Variants in SETBP1 observed in about 807,000 individuals in gnomAD.
The protein encoded by SETBP1 is SET-binding protein.
Under a neutral mutation model 101.0 loss-of-function variants are expected in SETBP1, and 9 were observed. The observed-to-expected ratio is 0.09, with a 90% confidence interval of 0.05 to 0.16. The LOEUF (loss-of-function observed/expected upper bound fraction) is 0.16, where lower values mean the gene tolerates loss of function less well. SETBP1 is among the 10% of genes least tolerant of loss of function. The pLI is 1.00. For synonymous variants in SETBP1, 818 were observed against 788.5 expected (o/e 1.04, Z -0.63); for missense variants, 1,858 against 2,033.8 (o/e 0.91, Z 1.66).
At chr18:44,987,041 A>G (rs2072256726) in intron 4 of SETBP1, 1 of 152,212 alleles carries the variant, frequency 6.6e-6, no homozygotes, top group African/African-American at 2.4e-5. Context: ...TAACTTACAC[A>G]TGACTAGCAG....
At chr18:44,680,127 C>T (rs1315206150), upstream of SETBP1, 1 of 143,302 alleles carries the variant, frequency 7.0e-6, no homozygotes, top group Non-Finnish European at 1.5e-5. Context: ...CTTGATATCT[C>T]TCTCCATAAA....
intron 2 of SETBP1, among the ~76,000 whole-genome samples, chr18:44,853,236 G>A (rs1003655267): frequency 5.3e-5 from 8 of 152,154 alleles, no homozygotes; most frequent in South Asian, 4.1e-4. Flanking sequence ...AAGCCCCTCC[G>A]CATTGCCCAC....
intron 3 of SETBP1, among the ~76,000 whole-genome samples, chr18:44,937,766 T>C (rs2070996386): frequency 6.6e-6 from 1 of 152,108 alleles, no homozygotes; most frequent in South Asian, 2.1e-4. Flanking sequence ...TCAATCTGCG[T>C]TTCGGCAGAT....
chr18:44,740,857 T>G (rs2070080226), intron 2 of SETBP1, among the ~76,000 whole-genome samples: 1 of 152,244 alleles, frequency 6.6e-6, no homozygotes, highest in Non-Finnish European at 1.5e-5. Context: ...ATGATCTACA[T>G]TCACAAAATT....
chr18:44,722,715 T>C (rs1294955920), intron 2 of SETBP1, among the ~76,000 whole-genome samples: 1 of 152,208 alleles, frequency 6.6e-6, no homozygotes, highest in Non-Finnish European at 1.5e-5. Context: ...TATTGGGTTC[T>C]GATGGTCACT....
At chr18:45,036,995 G>T (rs1467208541) in intron 4 of SETBP1, among the ~76,000 whole-genome samples, 1 of 152,198 alleles carries the variant, frequency 6.6e-6, no homozygotes, top group Admixed American at 6.5e-5. Context: ...CTGTAAAATT[G>T]AGAAAATGGT....
intron 4 of SETBP1, among the ~76,000 whole-genome samples, chr18:44,969,861 CCTTAAA>C: frequency 6.6e-6 from 1 of 152,280 alleles, no homozygotes; most frequent in East Asian, 1.9e-4. Context: ...ACAACACTCC[CCTTAAA>C]CTTTGTTGCA....
At chr18:44,741,572 C>G (rs1322957883) in intron 2 of SETBP1, among the ~76,000 whole-genome samples, 1 of 152,014 alleles carries the variant, frequency 6.6e-6, no homozygotes, top group African/African-American at 2.4e-5. Flanking sequence ...GTTTTAACTG[C>G]TCCAAGGAGA....
chr18:44,938,329 A>T (rs2071009675), intron 3 of SETBP1, among the ~76,000 whole-genome samples: 1 of 152,222 alleles, frequency 6.6e-6, no homozygotes, highest in Non-Finnish European at 1.5e-5. Flanking sequence ...TTCCTGATTG[A>T]GGTTCTGGCT....
chr18:44,961,088 G>T (rs1163074311), intron 4 of SETBP1, among the ~76,000 whole-genome samples: 1 of 152,194 alleles, frequency 6.6e-6, no homozygotes, highest in Non-Finnish European at 1.5e-5. Context: ...GCTGTGCAGA[G>T]CTAGACCTAG....
intron 4 of SETBP1, among the ~76,000 whole-genome samples, chr18:45,026,817 C>T (rs767995268): frequency 3.3e-5 from 5 of 151,762 alleles, no homozygotes; most frequent in Admixed American, 6.6e-5. Flanking sequence ...TGTGTGCATG[C>T]GCGTGTACAC....
Position 45,063,491 on chromosome 18 carries a change from GCCCCTGCCGCCACCGCCGCCACCA to G in SETBP1, c.4593_4616del (p.Pro1536_Pro1543del). 9.5e-7 allele frequency: 1 copy of G among 1,051,294 alleles called. No homozygotes were observed. The highest frequency in any genetic ancestry group is 1.2e-6 in the Non-Finnish European group (1 of 850,348). 65.1% of individuals were successfully genotyped at this position (1,051,294 alleles called of 1,614,324 possible). A position where few individuals can be genotyped will look rare whatever the true frequency, so the allele number is the denominator to read the frequency against. ...CGCCCCTGCCCCCGCCACCGCCGCC[GCCCCTGCCGCCACCGCCGCCACCA>G]CCCCTGCCCCCGCCACCCCCTCTAC... On this transcript the variant is annotated inframe_deletion, in exon 6 of 6. Transcript: ENST00000649279.
intron 1 of SETBP1, among the ~76,000 whole-genome samples, chr18:44,696,219 C>T (rs922037648): frequency 9.2e-5 from 14 of 152,310 alleles, no homozygotes; most frequent in African/African-American, 3.4e-4. Flanking sequence ...ACAAGTCCTG[C>T]CTGTTCCCAA....
intron 2 of SETBP1, among the ~76,000 whole-genome samples, chr18:44,778,729 AGAG>A (rs889839945): frequency 6.6e-6 from 1 of 152,190 alleles, no homozygotes; most frequent in African/African-American, 2.4e-5. Context: ...AGCCTAGCTC[AGAG>A]GAGGAGTGAG....
Position 44,759,032 on chromosome 18 carries a change from C to G in SETBP1, c.486+57200C>G, listed in dbSNP as rs984028597. Among the ~76,000 whole-genome samples, 4 of 152,218 alleles carry G rather than the reference C, an allele frequency of 2.6e-5. No homozygotes were observed. The East Asian group carries it at 7.7e-4, about 29-fold the overall frequency. Reference sequence around the variant, plus strand: ...TAGTCTCTCTAAATAACACGTTTCTCCATGAGAAAATCTAAATGTGGGCTC... The same window carrying G: ...TAGTCTCTCTAAATAACACGTTTCTGCATGAGAAAATCTAAATGTGGGCTC... On this transcript the variant is annotated intron_variant, in intron 2 of 5. Coordinates refer to ENST00000649279, the MANE Select transcript of SETBP1 (RefSeq NM_015559.3).
At chr18:44,741,785 C>T (rs150793794) in intron 2 of SETBP1, among the ~76,000 whole-genome samples, 9 of 152,316 alleles carry the variant, frequency 5.9e-5, no homozygotes, top group South Asian at 2.1e-4. Flanking sequence ...AATCCGGTGC[C>T]TGCCAACTCC....
intron 2 of SETBP1, among the ~76,000 whole-genome samples, chr18:44,727,232 A>G (rs374333927): frequency 6.9e-4 from 90 of 130,368 alleles, no homozygotes; most frequent in African/African-American, 2.7e-3. Flanking sequence ...ATACCCAAAT[A>G]AAACAAACTC....
intron 2 of SETBP1, among the ~76,000 whole-genome samples, chr18:44,739,774 G>A (rs574808135): frequency 6.6e-6 from 1 of 152,318 alleles, no homozygotes; most frequent in South Asian, 2.1e-4. Flanking sequence ...CATCCAGCAA[G>A]TGCTAACTGT....
rs1184897167 is a variant in SETBP1, at chr18:44,838,313, T to G, written c.487-30917T>G. 2.0e-5 allele frequency among the ~76,000 whole-genome samples: 3 copies of G among 152,204 alleles called. No homozygotes were observed. In the East Asian group the frequency reaches 5.8e-4, roughly 29 times the overall value. Reference sequence around the variant, plus strand: ...TGTTTAGTATTGAGCTGTATTCGCTTCACACCCTGCGCAGTGTCTTCTTAT... The same window carrying G: ...TGTTTAGTATTGAGCTGTATTCGCTGCACACCCTGCGCAGTGTCTTCTTAT... On this transcript the variant is annotated intron_variant, in intron 2 of 5. Coordinates refer to ENST00000649279, the MANE Select transcript of SETBP1 (RefSeq NM_015559.3).
Sources: gnomAD v4.1 joint callset for allele counts (sites outside exome capture counted in the v4.1 genomes callset) on GRCh38, gnomAD v4.1.1 for gene constraint, MANE v1.5 for transcripts, NCBI Gene and HGNC (gene_info 2026-07-23, HGNC 2026-07-21) for gene names.